The following CBLN2 variants were observed in gnomAD, a reference collection of about 807,000 sequenced individuals.
The protein encoded by CBLN2 is cerebellin-2.
A neutral mutation model predicts 15.0 loss-of-function variants in CBLN2; 7 were observed. The ratio of observed to expected loss-of-function variants is 0.47; its 90% confidence interval spans 0.27 to 0.88. The LOEUF (loss-of-function observed/expected upper bound fraction) is 0.88, where lower values mean the gene tolerates loss of function less well. Among genes scored for constraint, CBLN2 ranks in the 40% least tolerant of loss-of-function variants. The probability of loss-of-function intolerance (pLI) is 0.14; values close to 1 mark genes in which losing one functional copy is unlikely to be tolerated. For synonymous variants in CBLN2, 149 were observed against 135.2 expected (o/e 1.10, Z -0.71); for missense variants, 242 against 304.5 (o/e 0.79, Z 1.53).
upstream of CBLN2, among the ~76,000 whole-genome samples, chr18:72,546,377 C>CA (rs2069158269): frequency 1.3e-5 from 2 of 151,470 alleles, no homozygotes; most frequent in African/African-American, 4.9e-5. Flanking sequence ...GCGGAGCTTG[C>CA]AGTGAGCCAA....
At chr18:72,581,282 A>G (rs2069402213) in intron 1 of CBLN2, among the ~76,000 whole-genome samples, 1 of 152,200 alleles carries the variant, frequency 6.6e-6, no homozygotes, top group Non-Finnish European at 1.5e-5. Flanking sequence ...CATATGACAT[A>G]TGCATCTTAA....
chr18:72,615,064 T>C (rs1052393129), intron 1 of CBLN2, among the ~76,000 whole-genome samples: 4 of 138,016 alleles, frequency 2.9e-5, no homozygotes, highest in African/African-American at 1.1e-4. Context: ...TATAAATATA[T>C]ATATTTATAT....
chr18:72,616,593 T>A (rs2069664239), intron 1 of CBLN2, among the ~76,000 whole-genome samples: 1 of 152,242 alleles, frequency 6.6e-6, no homozygotes, highest in African/African-American at 2.4e-5. Flanking sequence ...TGTTTGAGTA[T>A]GGATGCTGCA....
chr18:72,597,307 T>C (rs1487741154), intron 1 of CBLN2, among the ~76,000 whole-genome samples: 1 of 152,172 alleles, frequency 6.6e-6, no homozygotes, highest in Non-Finnish European at 1.5e-5. Flanking sequence ...GATATTACCT[T>C]GGTGGTCTTG....
chr18:72,550,271 C>T (rs2069183938), intron 1 of CBLN2, among the ~76,000 whole-genome samples: 1 of 152,228 alleles, frequency 6.6e-6, no homozygotes, highest in African/African-American at 2.4e-5. Flanking sequence ...CCCTCAGGAT[C>T]TCATCCTCTC....
chr18:72,539,910 G>C (rs910222230), intron 3 of CBLN2: 1 of 152,200 alleles, frequency 6.6e-6, no homozygotes, highest in African/African-American at 2.4e-5. Context: ...TACCTTTGCT[G>C]TTATTTCTTA....
intron 1 of CBLN2, among the ~76,000 whole-genome samples, chr18:72,585,989 G>C (rs191167489): frequency 2.1e-4 from 32 of 152,370 alleles, no homozygotes; most frequent in African/African-American, 7.7e-4. Flanking sequence ...AGCAGGAGTT[G>C]CCTGTGGGGG....
chr18:72,540,990 A>C (rs2069105207), intron 3 of CBLN2, among the ~76,000 whole-genome samples: 1 of 152,250 alleles, frequency 6.6e-6, no homozygotes, highest in Non-Finnish European at 1.5e-5. Flanking sequence ...CCAGGCGAGC[A>C]GGACACAAAA....
At chr18:72,594,141 G>A (rs964124642) in intron 1 of CBLN2, among the ~76,000 whole-genome samples, 3 of 152,126 alleles carry the variant, frequency 2.0e-5, no homozygotes, top group African/African-American at 7.2e-5. Flanking sequence ...AGGGGTTGAA[G>A]GGCTAGGGGA....
intron 1 of CBLN2, among the ~76,000 whole-genome samples, chr18:72,551,571 A>G (rs945221009): frequency 2.0e-5 from 3 of 152,140 alleles, no homozygotes; most frequent in African/African-American, 7.2e-5. Flanking sequence ...CCTTGAACAC[A>G]CCCCATCACT....
chr18:72,561,423 A>G (rs760093204), intron 1 of CBLN2, among the ~76,000 whole-genome samples: 1 of 152,296 alleles, frequency 6.6e-6, no homozygotes, highest in African/African-American at 2.4e-5. Flanking sequence ...AGTAAACAGC[A>G]TCCATGACTT....
intron 1 of CBLN2, among the ~76,000 whole-genome samples, chr18:72,625,499 A>G (rs2069730124): frequency 6.6e-6 from 1 of 151,762 alleles, no homozygotes; most frequent in East Asian, 1.9e-4. Context: ...TGGGTCAACC[A>G]TGATGTTTTT....
upstream of CBLN2, among the ~76,000 whole-genome samples, chr18:72,546,374 T>C (rs543161613): frequency 6.6e-6 from 1 of 152,110 alleles, no homozygotes; most frequent in East Asian, 1.9e-4. Context: ...GAGGCGGAGC[T>C]TGCAGTGAGC....
intron 1 of CBLN2, among the ~76,000 whole-genome samples, chr18:72,587,434 T>C (rs987042192): frequency 1.3e-5 from 2 of 152,150 alleles, no homozygotes; most frequent in African/African-American, 2.4e-5. Context: ...TCTTTTTATG[T>C]ATATGTTCAA....
chr18:72,583,100 G>A (rs1347185533), intron 1 of CBLN2, among the ~76,000 whole-genome samples: 8 of 152,212 alleles, frequency 5.3e-5, no homozygotes, highest in East Asian at 3.9e-4. Context: ...CCCAGGCCTC[G>A]AGGGCAGGGA....
At chr18:72,538,538 C>G (rs1356887526) in intron 4 of CBLN2, 115 bp downstream of exon 4, 8 of 1,487,896 alleles carry the variant, frequency 5.4e-6, no homozygotes, top group Non-Finnish European at 7.4e-6. Flanking sequence ...CCACATCACC[C>G]CCTGGACAGA....
At chr18:72,570,971 G>GTC (rs1248954478) in intron 1 of CBLN2, among the ~76,000 whole-genome samples, 1 of 152,046 alleles carries the variant, frequency 6.6e-6, no homozygotes, top group Non-Finnish European at 1.5e-5. Flanking sequence ...TTGACTCTGT[G>GTC]TCTGTATACC....
At chr18:72,603,444 C>T (rs934919855) in intron 1 of CBLN2, among the ~76,000 whole-genome samples, 5 of 151,832 alleles carry the variant, frequency 3.3e-5, no homozygotes, top group South Asian at 2.1e-4. Context: ...TAGTGGAGAT[C>T]GATAGGTGAA....
At chr18:72,617,817 GTAGTAA>G (rs1214638271) in intron 1 of CBLN2, among the ~76,000 whole-genome samples, 1 of 152,126 alleles carries the variant, frequency 6.6e-6, no homozygotes, top group East Asian at 1.9e-4. Flanking sequence ...GACTCAGTTA[GTAGTAA>G]TAGTGGAAAG....
Sources: allele counts gnomAD v4.1 joint callset (sites outside exome capture counted in the v4.1 genomes callset), GRCh38; gene constraint gnomAD v4.1.1; transcripts MANE v1.5; gene names NCBI Gene and HGNC (gene_info 2026-07-23, HGNC 2026-07-21).